The following NLRP5 variants were observed in gnomAD, a reference collection of about 807,000 sequenced individuals.
The protein encoded by NLRP5 is NACHT, LRR and PYD domains-containing protein 5.
Under a neutral mutation model 113.1 loss-of-function variants are expected in NLRP5, and 93 were observed. The ratio of observed to expected loss-of-function variants is 0.82; its 90% CI spans 0.70 to 0.98. NLRP5 has a LOEUF of 0.98. Among genes scored for constraint, NLRP5 ranks in the 50% least tolerant of loss-of-function variants. The pLI is 0.00. For missense variants in NLRP5, 1,808 were observed against 1,514.3 expected (o/e 1.19, Z -3.22); for synonymous variants, 751 against 600.7 (o/e 1.25, Z -3.66).
chr19:56,024,004 A>T (rs1230051455), intron 6 of NLRP5, among the ~76,000 whole-genome samples: 2 of 152,096 alleles, frequency 1.3e-5, no homozygotes, highest in Admixed American at 1.3e-4. Context: ...GAGGCTGAAG[A>T]GGCTGGAACT....
chr19:56,007,188 C>A (rs1056393284), intron 2 of NLRP5, among the ~76,000 whole-genome samples: 1 of 151,186 alleles, frequency 6.6e-6, no homozygotes, highest in Non-Finnish European at 1.5e-5. Flanking sequence ...CACGGTAAAA[C>A]CCTGTCTCTA....
intron 12 of NLRP5, among the ~76,000 whole-genome samples, chr19:56,051,353 C>T (rs138117549): frequency 9.9e-5 from 15 of 152,156 alleles, no homozygotes; most frequent in Non-Finnish European, 2.1e-4. Context: ...CCACCAGTCC[C>T]GGCTAATTTT....
upstream of NLRP5, among the ~76,000 whole-genome samples, chr19:55,997,287 C>G (rs1014587166): frequency 3.9e-5 from 6 of 152,144 alleles, no homozygotes; most frequent in East Asian, 1.2e-3. Context: ...ACCACCCTTG[C>G]AACCCTGAGA....
chr19:56,033,805 A>G, intron 9 of NLRP5, 96 bp downstream of exon 9: 1 of 1,130,416 alleles, frequency 8.8e-7, no homozygotes, highest in Non-Finnish European at 1.3e-6. Flanking sequence ...AGCTGCAAAG[A>G]TGGAAAAGTT....
chr19:56,053,164 G>A (rs982597412), intron 12 of NLRP5, among the ~76,000 whole-genome samples: 1 of 152,078 alleles, frequency 6.6e-6, no homozygotes, highest in African/African-American at 2.4e-5. Context: ...GAGAGGCCGA[G>A]GCAGGCGGAT....
chr19:56,047,848 G>A (rs189912365), intron 11 of NLRP5, among the ~76,000 whole-genome samples: 183 of 152,220 alleles, frequency 1.2e-3, no homozygotes, highest in African/African-American at 4.1e-3. Context: ...TTACTGTGTT[G>A]CTATCTATCT....
At chr19:55,994,063 C>T in the NLRP5 span, among the ~76,000 whole-genome samples, 1 of 152,078 alleles carries the variant, frequency 6.6e-6, no homozygotes, top group Non-Finnish European at 1.5e-5. Context: ...TCCATAATGG[C>T]TGTGCTAATT....
At chr19:56,017,098 C>CTT (rs1982436369) in intron 4 of NLRP5, among the ~76,000 whole-genome samples, 1 of 152,122 alleles carries the variant, frequency 6.6e-6, no homozygotes, top group African/African-American at 2.4e-5. Context: ...TGAGCCACCG[C>CTT]GCCCGGCCAA....
At chr19:56,038,503 A>C (rs1485539258) in intron 10 of NLRP5, among the ~76,000 whole-genome samples, 1 of 152,180 alleles carries the variant, frequency 6.6e-6, no homozygotes, top group Non-Finnish European at 1.5e-5. Flanking sequence ...TGCAGCTTGC[A>C]CTGTGGGTTA....
rs747008276 is a variant in NLRP5, at chr19:56,027,255, C to T, written c.1022C>T (p.Pro341Leu). 1 of 1,612,512 alleles carries T rather than the reference C, an allele frequency of 6.2e-7. No individual in the cohort carries two copies. Among genetic ancestry groups the T allele is most frequent in the Non-Finnish European group, 8.5e-7 (1 of 1,179,818 alleles). Residue 341 changes from proline to leucine, a missense_variant, in exon 7 of 15, where the codon CCA becomes CTA. Physicochemically the swap from Pro to Leu is moderately conservative, Grantham distance 98. Transcript: ENST00000390649. Reference sequence around the variant, plus strand: ...ACAGAGTTCATCTCCAGGGAGTGGCCAGACTCCCAGGCTCCGGTGACGGAG... The same window carrying T: ...ACAGAGTTCATCTCCAGGGAGTGGCTAGACTCCCAGGCTCCGGTGACGGAG...
chr19:56,043,538 T>TG (rs375215104), intron 11 of NLRP5, among the ~76,000 whole-genome samples: 6 of 115,940 alleles, frequency 5.2e-5, no homozygotes, highest in Non-Finnish European at 9.2e-5. Flanking sequence ...TTTACTCTGC[T>TG]ATTCTTTTTT....
intron 11 of NLRP5, among the ~76,000 whole-genome samples, chr19:56,049,166 A>ATATTTATTTATT (rs3974178): frequency 0.014 from 1,982 of 139,464 alleles, 42 homozygotes; most frequent in East Asian, 0.044. Context: ...TTTATTTTTT[A>ATATTTATTTATT]TATTTATTTA....
Position 56,020,539 on chromosome 19 carries a change from C to T in NLRP5, c.679+108C>T. ...GTATGTAGTTTAGATTGCCTTTCTT[C>T]AATCTCATTTGTCTCTGGTGTCAAC... On this transcript the variant is annotated intron_variant, in intron 6 of 14. Coordinates refer to ENST00000390649, the MANE Select transcript of NLRP5 (RefSeq NM_153447.4). 5 of 1,305,662 alleles carry T rather than the reference C, an allele frequency of 3.8e-6. No individual in the cohort carries two copies. In the Middle Eastern group the frequency reaches 5.5e-4, roughly 144 times the overall value. 80.9% of individuals were successfully genotyped at this position (1,305,662 alleles called of 1,614,324 possible). A position where few individuals can be genotyped will look rare whatever the true frequency, so the allele number is the denominator to read the frequency against.
At chr19:56,055,788 G>A (rs1441048250) in intron 13 of NLRP5, among the ~76,000 whole-genome samples, 240 of 151,828 alleles carry the variant, frequency 1.6e-3, no homozygotes, top group African/African-American at 3.7e-3. Context: ...CTCATGATCT[G>A]CCCGCCTTGG....
chr19:56,006,207 T>C (rs1981903115), intron 2 of NLRP5, among the ~76,000 whole-genome samples: 1 of 151,940 alleles, frequency 6.6e-6, no homozygotes, highest in African/African-American at 2.4e-5. Flanking sequence ...TTGTCACTCA[T>C]AGGTGGGAAT....
intron 7 of NLRP5, among the ~76,000 whole-genome samples, chr19:56,030,817 C>T (rs1484650767): frequency 1.4e-5 from 2 of 146,560 alleles, no homozygotes; most frequent in African/African-American, 2.5e-5. Context: ...TGGGTTCAAG[C>T]GATTCTCCTG....
At chr19:56,054,447 A>G (rs374193862) in intron 13 of NLRP5, among the ~76,000 whole-genome samples, 2 of 151,714 alleles carry the variant, frequency 1.3e-5, no homozygotes, top group African/African-American at 4.8e-5. Flanking sequence ...AATCCCAGCT[A>G]TTCGGGAGGC....
At chr19:55,998,766 C>T (rs1269566643), upstream of NLRP5, among the ~76,000 whole-genome samples, 2 of 117,750 alleles carry the variant, frequency 1.7e-5, no homozygotes, top group African/African-American at 6.8e-5. Context: ...GCCTCACCTG[C>T]AGATTCACAA....
rs937803810 is a variant in NLRP5 at position 56,061,777 on chromosome 19, G to A, written c.*249G>A. The A allele has an allele frequency of 7.1e-6, 3 of 420,688 alleles. No homozygotes were observed. Among genetic ancestry groups the A allele is most frequent in the Non-Finnish European group, 8.5e-6 (2 of 235,944 alleles). The allele number at this position is 420,688 out of a possible 1,614,324, so 26.1% of individuals were successfully genotyped here. On this transcript the variant is annotated 3_prime_UTR_variant, in exon 15 of 15. Transcript: ENST00000390649. ...TGTCCGTCATATCTCAGAGCATATA[G>A]AGGGAATTAAATAAACACAAAGCAT...
Sources: allele counts gnomAD v4.1 joint callset (sites outside exome capture counted in the v4.1 genomes callset), GRCh38; gene constraint gnomAD v4.1.1; transcripts MANE v1.5; gene names NCBI Gene and HGNC (gene_info 2026-07-23, HGNC 2026-07-21).